ARF3: variants seen among roughly 807,000 people sequenced by gnomAD.
ARF3 encodes the protein ADP-ribosylation factor 3.
Under a neutral mutation model 19.3 loss-of-function variants are expected in ARF3, and 5 were observed. That is an observed-to-expected ratio of 0.26 (90% CI 0.14 to 0.54). The LOEUF (loss-of-function observed/expected upper bound fraction) is 0.54. Among genes scored for constraint, ARF3 ranks in the 20% least tolerant of loss-of-function variants. ARF3 has a pLI of 0.95. For synonymous variants in ARF3, 71 were observed against 89.2 expected, an observed-to-expected ratio of 0.80 and a Z score of 1.15; for missense variants, 77 against 234.2, an observed-to-expected ratio of 0.33 and a Z score of 4.38.
Position 48,936,012 on chromosome 12 carries a change from T to G in ARF3, c.*2935A>C, listed in dbSNP as rs1190132813. ...ATTTGGGCTCCCCCGCCGCGGGGTA[T>G]GATGGGAAGAAATAACCAGTGTGGA... On this transcript the variant is annotated 3_prime_UTR_variant, in exon 5 of 5. Coordinates refer to ENST00000256682, the MANE Select transcript of ARF3 (RefSeq NM_001659.3). 1 of 152,178 alleles carries G rather than the reference T, an allele frequency of 6.6e-6. No homozygotes were observed. Among genetic ancestry groups the G allele is most frequent in the Non-Finnish European group, 1.5e-5 (1 of 68,052 alleles). 9.4% of individuals were successfully genotyped at this position (152,178 alleles called of 1,614,324 possible).
At chr12:48,953,493 T>G (rs893290774) in intron 1 of ARF3, among the ~76,000 whole-genome samples, 1 of 152,204 alleles carries the variant, frequency 6.6e-6, no homozygotes, top group African/African-American at 2.4e-5. Flanking sequence ...TGCTGAAGTT[T>G]AAGCATTCAC....
rs781048454 is a variant in ARF3, at chr12:48,939,705, C to A, written c.334G>T (p.Ala112Ser). 1.2e-6 allele frequency: 2 copies of A among 1,614,056 alleles called. No homozygotes were observed. Among genetic ancestry groups the A allele is most frequent in the South Asian group, 2.2e-5 (2 of 91,088 alleles). Residue 112 changes from alanine to serine, a missense_variant, in exon 4 of 5, where the codon GCG becomes TCG. By Grantham distance (99) the Ala-to-Ser change is moderately conservative. Transcript: ENST00000256682. The surrounding 1 kb of genome is among the most constrained non-coding windows in gnomAD (Gnocchi z 4.8). ...ACAGCATCCCGGAGCTCGTCCTCCG[C>A]CAGCATTCTCATCAGCTCTTCCCGG... Reference protein sequence around the residue: ...EAREELMRMLAEDELRDAVLL... With the variant: ...EAREELMRMLSEDELRDAVLL...
Position 48,939,363 on chromosome 12 carries a change from T to C in ARF3, c.385-255A>G, listed in dbSNP as rs545618235. The stretch of plus-strand genomic sequence containing the variant: ...GGGAAGCAAGAGACGTGATTCAGAC[T>C]GACCAAAGAATCAGGTCTGTCTGAC... On this transcript the variant is annotated intron_variant, in intron 4 of 4. Transcript: ENST00000256682. This position sits in a 1 kb window ranked among gnomAD's most constrained non-coding sequence, Gnocchi z 4.8. Among the ~76,000 whole-genome samples, 35 of 152,314 alleles carry C rather than the reference T, an allele frequency of 2.3e-4. No homozygotes were observed. The highest frequency in any genetic ancestry group is 8.4e-4 in the African/African-American group (35 of 41,556).
intron 1 of ARF3, chr12:48,955,625 C>G (rs971802241): frequency 1.3e-5 from 2 of 152,178 alleles, no homozygotes; most frequent in South Asian, 2.1e-4. Context: ...CTTGCCCTTT[C>G]CTTAAACTAC....
intron 1 of ARF3, among the ~76,000 whole-genome samples, chr12:48,952,931 T>C (rs1397276865): frequency 1.3e-5 from 2 of 152,240 alleles, no homozygotes; most frequent in Non-Finnish European, 2.9e-5. Flanking sequence ...GGGCAGGGCT[T>C]GGGGTGGCTA....
Position 48,937,419 on chromosome 12 carries a change from G to C in ARF3, c.*1528C>G, listed in dbSNP as rs991840265. 1 of 152,630 alleles carries C rather than the reference G, an allele frequency of 6.6e-6. No homozygotes were observed. 9.5% of individuals were successfully genotyped at this position (152,630 alleles called of 1,614,324 possible). A position where few individuals can be genotyped will look rare whatever the true frequency, so the allele number is the denominator to read the frequency against. On this transcript the variant is annotated 3_prime_UTR_variant, in exon 5 of 5. Transcript: ENST00000256682. ...ACTACAGAAGTCAGGACCCAGGCGA[G>C]GACCTCAGGAACAAGTGCCCCCTGC...
rs765618161 is a variant in ARF3 at position 48,939,124 on chromosome 12, GAC to G, written c.385-18_385-17del. The G allele has an allele frequency of 1.1e-4, 173 of 1,607,072 alleles. No individual in the cohort carries two copies. Among genetic ancestry groups the G allele is most frequent in the Non-Finnish European group, 1.4e-4 (159 of 1,175,220 alleles). On this transcript the variant is annotated splice_polypyrimidine_tract_variant and intron_variant, in intron 4 of 4. Coordinates refer to ENST00000256682, the MANE Select transcript of ARF3 (RefSeq NM_001659.3). The surrounding 1 kb of genome is among the most constrained non-coding windows in gnomAD (Gnocchi z 4.8). The stretch of plus-strand genomic sequence containing the variant: ...TAGGCAGATCCTGGAGCACGTGGGA[GAC>G]ACATAAAAAGAAGCCTCAGGATTTT...
chr12:48,940,250 A>G (rs1316311274), intron 2 of ARF3, 143 bp from the exon 3 acceptor site: 1 of 694,464 alleles, frequency 1.4e-6, no homozygotes, highest in South Asian at 1.7e-5. Flanking sequence ...CTCAGACCTG[A>G]TAATCGTTAA....
At chr12:48,947,660 A>G (rs889383946) in intron 1 of ARF3, among the ~76,000 whole-genome samples, 1 of 152,180 alleles carries the variant, frequency 6.6e-6, no homozygotes, top group African/African-American at 2.4e-5. Context: ...AGAGGGAGAC[A>G]GTTTCTGCCT....
chr12:48,948,736 A>C (rs1449200541), intron 1 of ARF3, among the ~76,000 whole-genome samples: 1 of 152,080 alleles, frequency 6.6e-6, no homozygotes, highest in Non-Finnish European at 1.5e-5. Flanking sequence ...GCTTGAACCC[A>C]GGAAGCAGGG....
intron 1 of ARF3, among the ~76,000 whole-genome samples, chr12:48,951,495 G>A (rs542916558): frequency 6.2e-4 from 95 of 152,142 alleles, no homozygotes; most frequent in Admixed American, 1.1e-3. Flanking sequence ...GGTGGTGGAC[G>A]AAGGTTGCAG....
intron 1 of ARF3, among the ~76,000 whole-genome samples, chr12:48,946,699 G>A (rs772830438): frequency 7.9e-5 from 12 of 152,202 alleles, no homozygotes; most frequent in Non-Finnish European, 1.6e-4. Flanking sequence ...CCTCACTTGA[G>A]GACAACTCAC....
rs536721864 is a variant in ARF3 at position 48,938,992 on chromosome 12, G to A, written c.501C>T (p.Tyr167=). ...ATCATSGDGL[Y]EGLDWLANQL... ...GATTGGCCAGCCAGTCCAGGCCTTC[G>A]TACAGCCCGTCCCCGCTGGTGGCAC... The change falls in exon 5 of 5, where the codon TAC becomes TAT. Residue 167 remains tyrosine (Y), a synonymous_variant. Coordinates refer to ENST00000256682, the MANE Select transcript of ARF3 (RefSeq NM_001659.3). 11 of 1,613,018 alleles carry A rather than the reference G, an allele frequency of 6.8e-6. No homozygotes were observed. Among genetic ancestry groups the A allele is most frequent in the South Asian group, 5.5e-5 (5 of 91,010 alleles).
rs1010774270 is a variant in ARF3, at chr12:48,939,443, A to C, written c.384+212T>G. Among the ~76,000 whole-genome samples, 1 of 152,210 alleles carries C rather than the reference A, an allele frequency of 6.6e-6. No homozygotes were observed. Among genetic ancestry groups the C allele is most frequent in the Non-Finnish European group, 1.5e-5 (1 of 68,034 alleles). ...AGATAACAGGCAAGATGAAAGAAAG[A>C]TTTGAGACAATTCCTGAGGACTGAA... is the stretch of plus-strand genomic sequence containing the variant. On this transcript the variant is annotated intron_variant, in intron 4 of 4. Coordinates refer to ENST00000256682, the MANE Select transcript of ARF3 (RefSeq NM_001659.3). The surrounding 1 kb of genome is among the most constrained non-coding windows in gnomAD (Gnocchi z 4.8).
At chr12:48,955,642 A>G (rs924538401) in intron 1 of ARF3, 4 of 152,214 alleles carry the variant, frequency 2.6e-5, no homozygotes, top group Admixed American at 2.0e-4. Context: ...CTACAGTTAG[A>G]AAGCTTGTTG....
At chr12:48,951,459 C>A (rs1940468808) in intron 1 of ARF3, among the ~76,000 whole-genome samples, 1 of 151,986 alleles carries the variant, frequency 6.6e-6, no homozygotes, top group Non-Finnish European at 1.5e-5. Flanking sequence ...ACTCAGGAGG[C>A]AAGACTGGAG....
At chr12:48,951,745 G>C (rs1695054802) in intron 1 of ARF3, among the ~76,000 whole-genome samples, 1 of 151,924 alleles carries the variant, frequency 6.6e-6, no homozygotes, top group Non-Finnish European at 1.5e-5. Context: ...CAGGCGTGGT[G>C]GCGCACGCCT....
Position 48,936,917 on chromosome 12 carries a change from A to C in ARF3, c.*2030T>G, listed in dbSNP as rs1940154177. 6.6e-6 allele frequency: 1 copy of C among 152,236 alleles called. No homozygotes were observed. The highest frequency in any genetic ancestry group is 2.1e-4 in the South Asian group (1 of 4,840). 9.4% of individuals were successfully genotyped at this position (152,236 alleles called of 1,614,324 possible). ...AAATAAATCTGAGGAAACAGAGCAAATAAAAAGTATGGAGGGAAGCATCTG... is the reference window on the plus strand; with the variant it reads ...AAATAAATCTGAGGAAACAGAGCAACTAAAAAGTATGGAGGGAAGCATCTG... On this transcript the variant is annotated 3_prime_UTR_variant, in exon 5 of 5. Transcript: ENST00000256682.
At chr12:48,949,641 C>G (rs1940427914) in intron 1 of ARF3, among the ~76,000 whole-genome samples, 1 of 152,158 alleles carries the variant, frequency 6.6e-6, no homozygotes, top group Non-Finnish European at 1.5e-5. Flanking sequence ...CTCCTGGGCT[C>G]AAGAGATCCT....
Sources: gnomAD v4.1 joint callset for allele counts (sites outside exome capture counted in the v4.1 genomes callset) on GRCh38, gnomAD v4.1.1 for gene constraint, Gnocchi (gnomAD v3.1) non-coding constraint, MANE v1.5 for transcripts, NCBI Gene and HGNC (gene_info 2026-07-23, HGNC 2026-07-21) for gene names.